The following SLC6A11 variants were observed in gnomAD, a reference collection of about 807,000 sequenced individuals.
SLC6A11 encodes the protein sodium- and chloride-dependent GABA transporter 3.
A neutral mutation model predicts 74.8 loss-of-function variants in SLC6A11; 25 were observed. The ratio of observed to expected loss-of-function variants is 0.33; its 90% confidence interval spans 0.24 to 0.47. The LOEUF is 0.47. Ranked by LOEUF, SLC6A11 falls within the 20% of genes least tolerant of loss-of-function variation. The pLI is 1.00. For synonymous variants in SLC6A11, 330 were observed against 330.2 expected (o/e 1.00, Z 0.01); for missense variants, 574 against 837.0 (o/e 0.69, Z 3.88).
Position 10,935,141 on chromosome 3 carries a change from T to G in SLC6A11, c.1688T>G (p.Leu563Arg). The G allele has an allele frequency of 4.3e-6, 7 of 1,614,232 alleles. No homozygotes were observed. The highest frequency in any genetic ancestry group is 5.9e-6 in the Non-Finnish European group (7 of 1,180,032). The change falls in exon 13 of 14, where the codon CTC (leucine) becomes CGC (arginine). Residue 563 changes from leucine to arginine, a missense_variant. Coordinates refer to ENST00000254488, the MANE Select transcript of SLC6A11 (RefSeq NM_014229.3). ...IGWLMALSSM[L>R]CIPLWICITV... The stretch of plus-strand genomic sequence containing the variant: ...TGGCTCATGGCCCTGTCCTCCATGC[T>G]CTGCATCCCGCTCTGGATCTGCATC...
chr3:10,903,456 G>A (rs570566288), intron 6 of SLC6A11, among the ~76,000 whole-genome samples: 1 of 152,310 alleles, frequency 6.6e-6, no homozygotes, highest in South Asian at 2.1e-4. Context: ...TCTGCCAGAT[G>A]TTGTATGAGA....
intron 6 of SLC6A11, among the ~76,000 whole-genome samples, chr3:10,895,544 GC>G (rs1408289667): frequency 2.6e-5 from 4 of 152,156 alleles, no homozygotes; most frequent in African/African-American, 9.7e-5. Context: ...TGGGAACTGA[GC>G]AATGAGAACA....
chr3:10,877,775 G>C (rs1035786063), intron 6 of SLC6A11, among the ~76,000 whole-genome samples: 1 of 152,202 alleles, frequency 6.6e-6, no homozygotes, highest in African/African-American at 2.4e-5. Flanking sequence ...AAATGGGCCC[G>C]ACTTTGGAGC....
intron 6 of SLC6A11, among the ~76,000 whole-genome samples, chr3:10,876,193 C>T (rs1368512220): frequency 6.6e-6 from 1 of 152,182 alleles, no homozygotes; most frequent in Admixed American, 6.5e-5. Flanking sequence ...TCACGGTGGG[C>T]AGAGTGGGAA....
intron 7 of SLC6A11, among the ~76,000 whole-genome samples, chr3:10,912,525 A>G (rs546082378): frequency 6.6e-6 from 1 of 152,340 alleles, no homozygotes; most frequent in Non-Finnish European, 1.5e-5. Context: ...TATATACACC[A>G]AGGGCCTTGT....
intron 5 of SLC6A11, among the ~76,000 whole-genome samples, chr3:10,852,294 C>T (rs1169028751): frequency 1.3e-5 from 2 of 152,224 alleles, no homozygotes; most frequent in African/African-American, 4.8e-5. Flanking sequence ...TGCCCCGGGG[C>T]CCTGAACCCA....
chr3:10,918,330 G>A lies in SLC6A11; in HGVS notation c.997G>A (p.Asp333Asn). 1 of 1,592,988 alleles carries A rather than the reference G, an allele frequency of 6.3e-7. No homozygotes were observed. The highest frequency in any genetic ancestry group is 8.5e-7 in the Non-Finnish European group (1 of 1,171,462). Residue 333 changes from aspartate to asparagine, a missense_variant and splice_region_variant, in exon 8 of 14, where the codon GAC becomes AAC. Asp to Asn is a conservative substitution (Grantham distance 23). Coordinates refer to ENST00000254488, the MANE Select transcript of SLC6A11 (RefSeq NM_014229.3). The surrounding 1 kb of genome is among the most constrained non-coding windows in gnomAD (Gnocchi z 4.5). ...GTGCCTCTCGCTGCTTCCCCACAGG[G>A]ACTGCATCATGCTCTGTTGCCTGAA... is the stretch of plus-strand genomic sequence containing the variant. ...YNNYNNNCYR[D>N]CIMLCCLNSG...
At chr3:10,910,465 A>G (rs1349518895) in intron 6 of SLC6A11, among the ~76,000 whole-genome samples, 1 of 152,164 alleles carries the variant, frequency 6.6e-6, no homozygotes, top group African/African-American at 2.4e-5. Context: ...AGTTCATCTC[A>G]TCTTTAAAAA....
At chr3:10,874,876 A>C in intron 5 of SLC6A11, 85 bp from the exon 6 acceptor site, 1 of 1,352,734 alleles carries the variant, frequency 7.4e-7, no homozygotes, top group Non-Finnish European at 1.0e-6. Context: ...CTGGTGCAAC[A>C]TGCACCCAAA....
In SLC6A11 at chr3:10,911,457, A is replaced by G. The variant is rs78085351; in HGVS notation, c.892-633A>G. Among the ~76,000 whole-genome samples the G allele has an allele frequency of 0.012, 1,861 of 152,284 alleles. 81 individuals are homozygous for G. The East Asian group carries it at 0.16, about 13-fold the overall frequency. Reference sequence around the variant, plus strand: ...GGAAAGTAGTTATCTTGTGTACCACATAGGAAGCCTAGAGGGGGGGAGTCT... The same window carrying G: ...GGAAAGTAGTTATCTTGTGTACCACGTAGGAAGCCTAGAGGGGGGGAGTCT... On this transcript the variant is annotated intron_variant, in intron 6 of 13. Coordinates refer to ENST00000254488, the MANE Select transcript of SLC6A11 (RefSeq NM_014229.3).
In SLC6A11 at chr3:10,816,579, G is replaced by T; in HGVS notation, c.256+58G>T. On this transcript the variant is annotated intron_variant, in intron 1 of 13. Coordinates refer to ENST00000254488, the MANE Select transcript of SLC6A11 (RefSeq NM_014229.3). The surrounding 1 kb of genome is among the most constrained non-coding windows in gnomAD (Gnocchi z 4.2). ...GCCAACCGCCCGGTGGGGGCGGGGAGCCAGGGGCGAGCGCGAGACCCCCTC... is the reference window on the plus strand; with the variant it reads ...GCCAACCGCCCGGTGGGGGCGGGGATCCAGGGGCGAGCGCGAGACCCCCTC... The T allele has an allele frequency of 6.8e-7, 1 of 1,475,724 alleles. No homozygotes were observed. The allele number at this position is 1,475,724 out of a possible 1,614,324, so 91.4% of individuals were successfully genotyped here.
intron 6 of SLC6A11, among the ~76,000 whole-genome samples, chr3:10,882,256 G>A (rs3821767): frequency 0.16 from 24,654 of 152,204 alleles, 2,583 homozygotes; most frequent in Admixed American, 0.35. Flanking sequence ...ATGCAGAAGT[G>A]GGGAGAATAG....
chr3:10,918,369 T>G lies in SLC6A11; in HGVS notation c.1036T>G (p.Phe346Val), dbSNP rs1223730641. The change falls in exon 8 of 14, where the codon TTC becomes GTC. Residue 346 changes from phenylalanine (F) to valine (V), a missense_variant. Phe to Val is a conservative substitution (Grantham distance 50). Coordinates refer to ENST00000254488, the MANE Select transcript of SLC6A11 (RefSeq NM_014229.3). The surrounding 1 kb of genome is among the most constrained non-coding windows in gnomAD (Gnocchi z 4.5). ...MLCCLNSGTSFVAGFAIFSVL... is the reference protein window; with the variant it reads ...MLCCLNSGTSVVAGFAIFSVL... ...CTGTTGCCTGAACAGCGGCACCAGCTTCGTGGCTGGGTTTGCCATCTTCTC... is the reference window on the plus strand; with the variant it reads ...CTGTTGCCTGAACAGCGGCACCAGCGTCGTGGCTGGGTTTGCCATCTTCTC... 5 of 1,609,362 alleles carry G rather than the reference T, an allele frequency of 3.1e-6. No individual in the cohort carries two copies. The Admixed American group carries it at 8.5e-5, about 27-fold the overall frequency.
At chr3:10,874,886 A>T in intron 5 of SLC6A11, 75 bp from the exon 6 acceptor site, 2 of 1,446,164 alleles carry the variant, frequency 1.4e-6, no homozygotes, top group Middle Eastern at 1.8e-4. Flanking sequence ...ATGCACCCAA[A>T]GGACATTGTG....
At chr3:10,858,393 T>C (rs529306698) in intron 5 of SLC6A11, among the ~76,000 whole-genome samples, 2 of 152,344 alleles carry the variant, frequency 1.3e-5, no homozygotes, top group African/African-American at 4.8e-5. Context: ...TGCAGAAATC[T>C]TGAGAAGCAG....
At chr3:10,859,002 A>G (rs1461787979) in intron 5 of SLC6A11, among the ~76,000 whole-genome samples, 1 of 152,164 alleles carries the variant, frequency 6.6e-6, no homozygotes, top group African/African-American at 2.4e-5. Flanking sequence ...GTAGGTAGAG[A>G]TCAGCTTATG....
intron 5 of SLC6A11, among the ~76,000 whole-genome samples, chr3:10,847,501 G>C (rs1239740525): frequency 6.6e-6 from 1 of 152,194 alleles, no homozygotes. Context: ...GATGCGGTTT[G>C]CTGGAGCTGT....
chr3:10,847,605 A>G (rs1694520407), intron 5 of SLC6A11, among the ~76,000 whole-genome samples: 1 of 152,206 alleles, frequency 6.6e-6, no homozygotes, highest in African/African-American at 2.4e-5. Flanking sequence ...GCCCGAGGTC[A>G]CATAATGAAT....
chr3:10,847,547 CTTATT>C (rs1158408755), intron 5 of SLC6A11, among the ~76,000 whole-genome samples: 3 of 152,088 alleles, frequency 2.0e-5, no homozygotes, highest in Non-Finnish European at 1.5e-5. Context: ...TGCCTCTGCC[CTTATT>C]TTATGGATGA....
Sources: allele counts gnomAD v4.1 joint callset (sites outside exome capture counted in the v4.1 genomes callset), GRCh38; gene constraint gnomAD v4.1.1; non-coding constraint Gnocchi (gnomAD v3.1); transcripts MANE v1.5; gene names NCBI Gene and HGNC (gene_info 2026-07-23, HGNC 2026-07-21).